The following CALN1 variants were observed in gnomAD, a reference collection of about 807,000 sequenced individuals.
CALN1 encodes calneuron 1, also known as calcium-binding protein 8.
In CALN1, 17 loss-of-function variants were observed where a neutral mutation model predicts 30.6. The ratio of observed to expected loss-of-function variants is 0.56; its 90% CI spans 0.38 to 0.83. The LOEUF (loss-of-function observed/expected upper bound fraction) is 0.83, where lower values mean the gene tolerates loss of function less well. Among genes scored for constraint, CALN1 ranks in the 40% least tolerant of loss-of-function variants. The pLI, the probability that CALN1 is intolerant of heterozygous loss-of-function variation, is 0.00. For missense variants in CALN1, 291 were observed against 354.9 expected, an observed-to-expected ratio of 0.82 and a Z score of 1.45; for synonymous variants, 156 against 131.4, an observed-to-expected ratio of 1.19 and a Z score of -1.28.
intron 4 of CALN1, among the ~76,000 whole-genome samples, chr7:72,093,076 A>G (rs2129539963): frequency 6.6e-6 from 1 of 152,320 alleles, no homozygotes. Flanking sequence ...AAAACAAAGT[A>G]CGCAGCCTGC....
At chr7:72,212,840 G>C (rs1792511987) in intron 3 of CALN1, among the ~76,000 whole-genome samples, 1 of 152,124 alleles carries the variant, frequency 6.6e-6, no homozygotes, top group Non-Finnish European at 1.5e-5. Context: ...ATAAAGAAAA[G>C]GTATTTCTAA....
intron 4 of CALN1, among the ~76,000 whole-genome samples, chr7:72,063,171 T>C (rs1803781617): frequency 6.6e-6 from 1 of 152,226 alleles, no homozygotes; most frequent in Non-Finnish European, 1.5e-5. Context: ...TGTGCTGACC[T>C]GTACATGTAT....
chr7:72,417,027 C>T (rs1239919330), upstream of CALN1, among the ~76,000 whole-genome samples: 1 of 152,244 alleles, frequency 6.6e-6, no homozygotes, highest in Non-Finnish European at 1.5e-5. Flanking sequence ...CAGATGGAAG[C>T]TCAGCTTCCC....
intron 3 of CALN1, among the ~76,000 whole-genome samples, chr7:72,106,610 G>A (rs766074064): frequency 6.9e-6 from 1 of 145,958 alleles, no homozygotes; most frequent in Non-Finnish European, 1.5e-5. Flanking sequence ...GAGGAATGAA[G>A]GGAGGAAAAA....
In CALN1 at chr7:72,321,180, CACT is replaced by C. The variant is rs1585478183; in HGVS notation, c.120-42373_120-42371del. Reference sequence around the variant, plus strand: ...ACATAATGCACACACCCTGAAAAAGCACTGTCTATTTGAGTCCTTGAGTTTCGC... The same window carrying C: ...ACATAATGCACACACCCTGAAAAAGCGTCTATTTGAGTCCTTGAGTTTCGC... On this transcript the variant is annotated intron_variant, in intron 2 of 6. Transcript: ENST00000395275. Among the ~76,000 whole-genome samples, 5 of 128,812 alleles carry C rather than the reference CACT, an allele frequency of 3.9e-5. No homozygotes were observed. The East Asian group carries it at 1.0e-3, about 27-fold the overall frequency. 84.5% of individuals were successfully genotyped at this position (128,812 alleles called of 152,430 possible).
chr7:72,148,334 G>A (rs1256265171), intron 3 of CALN1, among the ~76,000 whole-genome samples: 6 of 150,642 alleles, frequency 4.0e-5, no homozygotes, highest in Non-Finnish European at 7.4e-5. Context: ...TTGGGAGGCC[G>A]AGGTGGGAGG....
chr7:71,866,949 A>T (rs1003423635), intron 5 of CALN1, among the ~76,000 whole-genome samples: 2 of 152,144 alleles, frequency 1.3e-5, no homozygotes, highest in Admixed American at 6.5e-5. Flanking sequence ...GTTCGAGACC[A>T]GTCTGGCCAA....
chr7:71,806,991 G>C (rs1042085436), intron 6 of CALN1, among the ~76,000 whole-genome samples: 1 of 152,210 alleles, frequency 6.6e-6, no homozygotes, highest in Non-Finnish European at 1.5e-5. Flanking sequence ...TGGTGGTCCT[G>C]TAACAGGACG....
intron 5 of CALN1, among the ~76,000 whole-genome samples, chr7:71,977,518 A>T (rs1485426625): frequency 6.6e-6 from 1 of 152,134 alleles, no homozygotes; most frequent in African/African-American, 2.4e-5. Context: ...GCTTCCTCTC[A>T]TCAGATTTTA....
chr7:72,212,655 G>T (rs1041113214), intron 3 of CALN1, among the ~76,000 whole-genome samples: 1 of 151,348 alleles, frequency 6.6e-6, no homozygotes, highest in East Asian at 2.0e-4. Context: ...TCACTACAAA[G>T]AATAAAAAAT....
the CALN1 span, among the ~76,000 whole-genome samples, chr7:72,487,803 A>C: frequency 7.7e-6 from 1 of 129,294 alleles, no homozygotes; most frequent in Non-Finnish European, 1.6e-5. Context: ...GAAAGAAAGG[A>C]GAAAGAGAGA....
At chr7:71,889,591 A>G (rs955321286) in intron 5 of CALN1, among the ~76,000 whole-genome samples, 4 of 152,108 alleles carry the variant, frequency 2.6e-5, no homozygotes, top group African/African-American at 9.7e-5. Flanking sequence ...TTAGGGTCTC[A>G]ACCTATGAAT....
At chr7:72,044,668 G>A (rs1802356446) in intron 4 of CALN1, among the ~76,000 whole-genome samples, 1 of 134,186 alleles carries the variant, frequency 7.5e-6, no homozygotes, top group Admixed American at 8.9e-5. Context: ...CTAGAATGCA[G>A]TGATACAATC....
At position 72,357,908 on chromosome 7, in the gene CALN1, G is replaced by C. The variant is rs1480797707; in HGVS notation, c.119+45343C>G. On this transcript the variant is annotated intron_variant, in intron 2 of 6. Transcript: ENST00000395275. ...GAGTCCCCAGCTCCCAGGCTCAAGG[G>C]ATTCTCTTGCATCAGCCTCCTGAGT... Among the ~76,000 whole-genome samples the C allele has an allele frequency of 1.2e-4, 18 of 150,058 alleles. 1 individual carries two copies. Among genetic ancestry groups the C allele is most frequent in the Admixed American group, 1.2e-3 (18 of 15,046 alleles).
chr7:72,003,466 G>A (rs570718774), intron 5 of CALN1, among the ~76,000 whole-genome samples: 2 of 152,154 alleles, frequency 1.3e-5, no homozygotes, highest in African/African-American at 2.4e-5. Context: ...GAGGGAGAAC[G>A]GCAGGCTAGA....
intron 5 of CALN1, among the ~76,000 whole-genome samples, chr7:71,973,865 T>A (rs1328124894): frequency 1.3e-5 from 2 of 152,202 alleles, no homozygotes; most frequent in Non-Finnish European, 2.9e-5. Context: ...TATAAAAGGA[T>A]GCTCTAATTA....
intron 4 of CALN1, among the ~76,000 whole-genome samples, chr7:72,095,932 C>T (rs547474540): frequency 3.9e-5 from 6 of 152,032 alleles, no homozygotes; most frequent in African/African-American, 9.7e-5. Flanking sequence ...CCCAGCAACT[C>T]GGGAAGCTGA....
At chr7:72,449,874 CAAAAAAAAAAAA>C (rs71069071), upstream of CALN1, among the ~76,000 whole-genome samples, 12 of 52,374 alleles carry the variant, frequency 2.3e-4, no homozygotes, top group Admixed American at 2.2e-3. Context: ...GACTCCGTCT[CAAAAAAAAAAAA>C]AAAAAAAAAA....
chr7:72,073,763 G>A (rs972447492), intron 4 of CALN1, among the ~76,000 whole-genome samples: 5 of 150,732 alleles, frequency 3.3e-5, no homozygotes, highest in African/African-American at 9.7e-5. Context: ...GCACAAACAT[G>A]GCTCACTGCA....
Sources: allele counts gnomAD v4.1 joint callset (sites outside exome capture counted in the v4.1 genomes callset), GRCh38; gene constraint gnomAD v4.1.1; transcripts MANE v1.5; gene names NCBI Gene and HGNC (gene_info 2026-07-23, HGNC 2026-07-21).